The following PGRMC2 variants were observed in gnomAD, a reference collection of about 807,000 sequenced individuals.
PGRMC2 encodes progesterone receptor membrane component 2, also known as membrane-associated progesterone receptor component 2.
A neutral mutation model predicts 19.3 loss-of-function variants in PGRMC2; 9 were observed. The ratio of observed to expected loss-of-function variants is 0.47; its 90% confidence interval spans 0.28 to 0.81. PGRMC2 has a LOEUF of 0.81. PGRMC2 is among the 40% of genes least tolerant of loss of function. The pLI, the probability that PGRMC2 is intolerant of heterozygous loss-of-function variation, is 0.11. For synonymous variants in PGRMC2, 157 were observed against 124.6 expected (o/e 1.26, Z -1.73); for missense variants, 289 against 297.3 (o/e 0.97, Z 0.21).
At chr4:128,286,142 A>T (rs1289836129) in intron 1 of PGRMC2, among the ~76,000 whole-genome samples, 1 of 142,856 alleles carries the variant, frequency 7.0e-6, no homozygotes, top group African/African-American at 2.6e-5. Context: ...ATTAAGGAGA[A>T]AACCAGCTTA....
At chr4:128,272,048 G>T (rs1333748639) in intron 2 of PGRMC2, among the ~76,000 whole-genome samples, 3 of 152,016 alleles carry the variant, frequency 2.0e-5, no homozygotes, top group African/African-American at 7.2e-5. Context: ...TTTAAATATT[G>T]ATTTTCAAAA....
chr4:128,279,526 T>C (rs2110562055), intron 1 of PGRMC2, among the ~76,000 whole-genome samples: 1 of 152,282 alleles, frequency 6.6e-6, no homozygotes, highest in South Asian at 2.1e-4. Flanking sequence ...CTCGGTAATT[T>C]TATTTCCAGG....
chr4:128,272,683 A>G (rs755323375), intron 1 of PGRMC2, 166 bp from the exon 2 acceptor site: 82 of 409,908 alleles, frequency 2.0e-4, no homozygotes, highest in Non-Finnish European at 3.2e-4. Flanking sequence ...ACTAGATGGA[A>G]TAAGAAAAGA....
At chr4:128,279,461 T>G (rs1197519705) in intron 1 of PGRMC2, among the ~76,000 whole-genome samples, 1 of 152,200 alleles carries the variant, frequency 6.6e-6, no homozygotes, top group East Asian at 1.9e-4. Flanking sequence ...GTCCAACCTC[T>G]CTGAAGGGCA....
chr4:128,287,166 G>T, intron 1 of PGRMC2: 1 of 502,220 alleles, frequency 2.0e-6, no homozygotes, highest in Non-Finnish European at 3.5e-6. Context: ...CCTGGTTTCG[G>T]GGGAAGAACT....
intron 1 of PGRMC2, among the ~76,000 whole-genome samples, chr4:128,281,161 T>C (rs893595445): frequency 6.6e-6 from 1 of 152,180 alleles, no homozygotes; most frequent in Admixed American, 6.5e-5. Flanking sequence ...AGCTAAAGTC[T>C]AATAGTGATA....
Position 128,280,352 on chromosome 4 carries a change from G to GAAAA in PGRMC2, c.418+7020_418+7021insTTTT, listed in dbSNP as rs747302016. 1.3e-4 allele frequency among the ~76,000 whole-genome samples: 8 copies of GAAAA among 60,536 alleles called. 2 individuals carry two copies. In the East Asian group the frequency reaches 1.6e-3, roughly 12 times the overall value. 39.7% of individuals were successfully genotyped at this position (60,536 alleles called of 152,430 possible). The stretch of plus-strand genomic sequence containing the variant: ...GCAATAAGTAACAGCAAATTTTCTG[G>GAAAA]GAAAAAAAAAAAAAAAAAAAAAAGG... On this transcript the variant is annotated intron_variant, in intron 1 of 2. Transcript: ENST00000296425.
intron 1 of PGRMC2, among the ~76,000 whole-genome samples, chr4:128,274,655 T>C (rs1184168099): frequency 2.0e-5 from 3 of 151,928 alleles, no homozygotes; most frequent in African/African-American, 7.3e-5. Flanking sequence ...AGAGAACTAG[T>C]GTGTTTAAAA....
intron 1 of PGRMC2, among the ~76,000 whole-genome samples, chr4:128,277,156 CAAAA>C (rs1760826438): frequency 7.0e-6 from 1 of 142,488 alleles, no homozygotes; most frequent in East Asian, 2.0e-4. Context: ...GACTCCATCT[CAAAA>C]CAAACAAACA....
intron 1 of PGRMC2, among the ~76,000 whole-genome samples, chr4:128,280,026 T>C (rs902389182): frequency 2.6e-5 from 4 of 152,164 alleles, no homozygotes; most frequent in Non-Finnish European, 1.5e-5. Flanking sequence ...CAAAGCACTT[T>C]ACCTCTTTCA....
chr4:128,271,579 G>T (rs1451712073), intron 2 of PGRMC2, among the ~76,000 whole-genome samples, 166 bp from the exon 3 acceptor site: 1 of 152,178 alleles, frequency 6.6e-6, no homozygotes, highest in Non-Finnish European at 1.5e-5. Context: ...TTATACACAT[G>T]TAAAGCCTGA....
chr4:128,279,584 T>C (rs1424860736), intron 1 of PGRMC2, among the ~76,000 whole-genome samples: 2 of 152,244 alleles, frequency 1.3e-5, no homozygotes, highest in African/African-American at 4.8e-5. Context: ...AAATGACATG[T>C]ACATATTTAT....
intron 1 of PGRMC2, 78 bp downstream of exon 1, chr4:128,287,295 T>C (rs780192656): frequency 1.3e-6 from 2 of 1,482,924 alleles, no homozygotes; most frequent in Non-Finnish European, 9.0e-7. Context: ...ACTAACCCGG[T>C]GCCCAGAGGC....
intron 1 of PGRMC2, among the ~76,000 whole-genome samples, chr4:128,284,447 T>G (rs1008882500): frequency 6.6e-6 from 1 of 152,182 alleles, no homozygotes; most frequent in Non-Finnish European, 1.5e-5. Flanking sequence ...CTGTATTCAG[T>G]TTTTTACATG....
At chr4:128,274,480 C>A (rs531950721) in intron 1 of PGRMC2, among the ~76,000 whole-genome samples, 1 of 142,400 alleles carries the variant, frequency 7.0e-6, no homozygotes, top group South Asian at 2.3e-4. Flanking sequence ...CACTGCACTA[C>A]GGCCTGGCCG....
At chr4:128,286,629 T>C (rs1277521483) in intron 1 of PGRMC2, 1 of 398,382 alleles carries the variant, frequency 2.5e-6, no homozygotes, top group African/African-American at 2.1e-5. Flanking sequence ...CTGCTGGGTA[T>C]AGGAGCTCCA....
intron 1 of PGRMC2, among the ~76,000 whole-genome samples, chr4:128,286,466 A>G (rs1561619017): frequency 6.6e-6 from 1 of 152,190 alleles, no homozygotes; most frequent in African/African-American, 2.4e-5. Flanking sequence ...ACAAAGTTCT[A>G]AAAATCTTTA....
At chr4:128,278,342 G>T (rs958705444) in intron 1 of PGRMC2, among the ~76,000 whole-genome samples, 1 of 152,128 alleles carries the variant, frequency 6.6e-6, no homozygotes, top group African/African-American at 2.4e-5. Context: ...AGGCCAAGGC[G>T]GGTAGATCAC....
At chr4:128,282,313 T>C (rs981385802) in intron 1 of PGRMC2, among the ~76,000 whole-genome samples, 11 of 152,340 alleles carry the variant, frequency 7.2e-5, no homozygotes, top group Admixed American at 7.2e-4. Context: ...CATGTCTGTC[T>C]TGGGTGCACA....
Sources: allele counts gnomAD v4.1 joint callset (sites outside exome capture counted in the v4.1 genomes callset), GRCh38; gene constraint gnomAD v4.1.1; transcripts MANE v1.5; gene names NCBI Gene and HGNC (gene_info 2026-07-23, HGNC 2026-07-21).